Variants in PLXNA4 observed in about 807,000 individuals in gnomAD.
PLXNA4 encodes plexin A4, also known as plexin-A4.
Under a neutral mutation model 191.8 loss-of-function variants are expected in PLXNA4, and 44 were observed. The ratio of observed to expected loss-of-function variants is 0.23; its 90% CI spans 0.18 to 0.29. The LOEUF (loss-of-function observed/expected upper bound fraction) is 0.29, where lower values mean the gene tolerates loss of function less well. Ranked by LOEUF, PLXNA4 falls within the 10% of genes least tolerant of loss-of-function variation. The pLI is 1.00. For missense variants in PLXNA4, 1,800 were observed against 2,488.8 expected (o/e 0.72, Z 5.89); for synonymous variants, 1,082 against 1,009.5 (o/e 1.07, Z -1.36).
chr7:132,544,055 A>G (rs1332880975), intron 1 of PLXNA4, among the ~76,000 whole-genome samples: 1 of 152,242 alleles, frequency 6.6e-6, no homozygotes, highest in Non-Finnish European at 1.5e-5. Context: ...AAGTAAAATG[A>G]TATGATTTGC....
intron 2 of PLXNA4, among the ~76,000 whole-genome samples, chr7:132,603,551 T>C (rs1157208802): frequency 1.3e-5 from 2 of 152,184 alleles, no homozygotes; most frequent in African/African-American, 2.4e-5. Context: ...GCACCAGCTT[T>C]TTTGACCACC....
Position 132,375,155 on chromosome 7 carries a change from G to C in PLXNA4, c.1372-76933C>G, listed in dbSNP as rs1272351107. ...TGGGATTTTGAGTCCTACTAGTAGA[G>C]GCTTGGGCAAGGCCAGAGTAGGAAA... On this transcript the variant is annotated intron_variant, in intron 3 of 31. Transcript: ENST00000321063. Among the ~76,000 whole-genome samples the C allele has an allele frequency of 5.3e-5, 8 of 152,184 alleles. No individual in the cohort carries two copies. The East Asian group carries it at 1.5e-3, about 29-fold the overall frequency.
intron 1 of PLXNA4, among the ~76,000 whole-genome samples, chr7:132,514,611 G>A (rs764838232): frequency 1.3e-5 from 2 of 152,086 alleles, no homozygotes; most frequent in Non-Finnish European, 1.5e-5. Flanking sequence ...ATCAGTTGAA[G>A]GTCATGAATA....
At chr7:132,282,600 C>T (rs1390564961) in intron 4 of PLXNA4, among the ~76,000 whole-genome samples, 1 of 98,108 alleles carries the variant, frequency 1.0e-5, no homozygotes, top group African/African-American at 3.9e-5. Context: ...TAGAGCCAGA[C>T]CTTGTCTCAG....
At chr7:132,396,617 A>G (rs1288646780) in intron 3 of PLXNA4, among the ~76,000 whole-genome samples, 1 of 152,150 alleles carries the variant, frequency 6.6e-6, no homozygotes, top group South Asian at 2.1e-4. Context: ...CAGCCTCCTG[A>G]GTAGCTGGGA....
chr7:132,164,812 GAA>G (rs1380595117), intron 23 of PLXNA4, among the ~76,000 whole-genome samples: 1 of 152,074 alleles, frequency 6.6e-6, no homozygotes, highest in African/African-American at 2.4e-5. Flanking sequence ...GAGGGAAGAG[GAA>G]AAGCAGAGAA....
chr7:132,317,914 C>T (rs1247199002), intron 3 of PLXNA4, among the ~76,000 whole-genome samples: 1 of 152,166 alleles, frequency 6.6e-6, no homozygotes, highest in East Asian at 1.9e-4. Flanking sequence ...AGAACAAGAG[C>T]CAGGCAGAGC....
chr7:132,449,688 T>G (rs1174187943), intron 3 of PLXNA4, among the ~76,000 whole-genome samples: 2 of 152,212 alleles, frequency 1.3e-5, no homozygotes, highest in East Asian at 3.9e-4. Flanking sequence ...TCCTGACAGC[T>G]TCCTCCAGAA....
At chr7:132,328,204 TAGA>T (rs914638381) in intron 3 of PLXNA4, among the ~76,000 whole-genome samples, 1 of 152,032 alleles carries the variant, frequency 6.6e-6, no homozygotes, top group Non-Finnish European at 1.5e-5. Context: ...GATCCATAAT[TAGA>T]AGGAGACAGA....
chr7:132,232,391 CT>C (rs1293672488), intron 5 of PLXNA4, among the ~76,000 whole-genome samples: 1 of 152,184 alleles, frequency 6.6e-6, no homozygotes, highest in Non-Finnish European at 1.5e-5. Flanking sequence ...ACATTCTTCT[CT>C]GCATGCCAGT....
intron 3 of PLXNA4, among the ~76,000 whole-genome samples, chr7:132,352,714 A>G (rs1468380319): frequency 6.6e-6 from 1 of 152,130 alleles, no homozygotes; most frequent in African/African-American, 2.4e-5. Flanking sequence ...GCATCCTCCT[A>G]CGTAAAATAG....
chr7:132,365,077 G>C (rs1414362474), intron 3 of PLXNA4, among the ~76,000 whole-genome samples: 1 of 152,122 alleles, frequency 6.6e-6, no homozygotes, highest in Admixed American at 6.5e-5. Flanking sequence ...CAGGGCTCCT[G>C]AGAGCTGGAT....
At chr7:132,512,489 G>C (rs1056385216) in intron 1 of PLXNA4, among the ~76,000 whole-genome samples, 2 of 152,174 alleles carry the variant, frequency 1.3e-5, no homozygotes, top group Admixed American at 1.3e-4. Context: ...CAGAGAGGAG[G>C]GGGGCCCACA....
chr7:132,576,630 C>G (rs1308145988), upstream of PLXNA4: 55 of 984,262 alleles, frequency 5.6e-5, no homozygotes, highest in Non-Finnish European at 6.5e-5. The surrounding 1 kb of genome is among the most constrained non-coding windows in gnomAD (Gnocchi z 5.8). Context: ...CGAATCAGAG[C>G]CTGCGGGGCT....
At position 132,593,750 on chromosome 7, in the gene PLXNA4, T is replaced by G. The variant is rs561419306; in HGVS notation, c.-87+52178A>C. Among the ~76,000 whole-genome samples, 3 of 152,226 alleles carry G rather than the reference T, an allele frequency of 2.0e-5. No homozygotes were observed. The East Asian group carries it at 5.8e-4, about 29-fold the overall frequency. On this transcript the variant is annotated intron_variant, in intron 2 of 4. Coordinates refer to the PLXNA4 transcript ENST00000378539. ...GGAGAAAGAGGGTCTGCCCTTTCAGTCCCCAGAGAGGGAAACAAGTGCTGC... is the reference window on the plus strand; with the variant it reads ...GGAGAAAGAGGGTCTGCCCTTTCAGGCCCCAGAGAGGGAAACAAGTGCTGC...
chr7:132,349,214 C>A (rs758344424), intron 3 of PLXNA4, among the ~76,000 whole-genome samples: 9 of 152,180 alleles, frequency 5.9e-5, no homozygotes, highest in Non-Finnish European at 1.3e-4. Context: ...TTAACAGCAC[C>A]TTTCAACCCA....
At chr7:132,362,447 CA>C (rs1803983687) in intron 3 of PLXNA4, among the ~76,000 whole-genome samples, 1 of 152,228 alleles carries the variant, frequency 6.6e-6, no homozygotes, top group African/African-American at 2.4e-5. Flanking sequence ...AGTGATAAAT[CA>C]GGGGCACCCA....
At chr7:132,569,615 G>T (rs996674882) in intron 1 of PLXNA4, among the ~76,000 whole-genome samples, 2 of 152,194 alleles carry the variant, frequency 1.3e-5, no homozygotes, top group African/African-American at 4.8e-5. Flanking sequence ...AACATAAAAT[G>T]ATTTTTCCCA....
rs901310751 is a variant in PLXNA4 at position 132,576,434 on chromosome 7, C to G, written c.-99G>C. 1.0e-6 allele frequency: 1 copy of G among 985,700 alleles called. No individual in the cohort carries two copies. Among genetic ancestry groups the G allele is most frequent in the Non-Finnish European group, 1.2e-6 (1 of 830,048 alleles). The allele number at this position is 985,700 out of a possible 1,614,324, so 61.1% of individuals were successfully genotyped here. On this transcript the variant is annotated 5_prime_UTR_variant, in exon 1 of 32. Coordinates refer to ENST00000321063, the MANE Select transcript of PLXNA4 (RefSeq NM_020911.2). This position sits in a 1 kb window ranked among gnomAD's most constrained non-coding sequence, Gnocchi z 5.8. Reference sequence around the variant, plus strand: ...GCCGGCTCCTTACCTGGACGCGCCGCGTTTCCCTCCTTCAGCGGGAGCGCC... The same window carrying G: ...GCCGGCTCCTTACCTGGACGCGCCGGGTTTCCCTCCTTCAGCGGGAGCGCC...
Sources: allele counts gnomAD v4.1 joint callset (sites outside exome capture counted in the v4.1 genomes callset), GRCh38; gene constraint gnomAD v4.1.1; non-coding constraint Gnocchi (gnomAD v3.1); transcripts MANE v1.5; gene names NCBI Gene and HGNC (gene_info 2026-07-23, HGNC 2026-07-21).